Variants in PHLDB2 observed in about 807,000 individuals in gnomAD.
PHLDB2 encodes the protein pleckstrin homology like domain family B member 2.
A neutral mutation model predicts 123.6 loss-of-function variants in PHLDB2; 71 were observed. The ratio of observed to expected loss-of-function variants is 0.57; its 90% CI spans 0.47 to 0.70. PHLDB2 has a LOEUF of 0.70. Ranked by LOEUF, PHLDB2 falls within the 30% of genes least tolerant of loss-of-function variation. The probability of loss-of-function intolerance (pLI) is 0.00; values close to 1 mark genes in which losing one functional copy is unlikely to be tolerated. For missense variants in PHLDB2, 1,446 were observed against 1,519.5 expected (o/e 0.95, Z 0.80); for synonymous variants, 547 against 541.6 (o/e 1.01, Z -0.14).
chr3:111,760,958 G>A (rs758326620), intron 1 of PHLDB2, among the ~76,000 whole-genome samples: 8 of 151,946 alleles, frequency 5.3e-5, no homozygotes, highest in African/African-American at 2.4e-5. Flanking sequence ...AGGCCGAGGC[G>A]GGTGGATCAC....
In PHLDB2 at chr3:111,859,371, G is replaced by C; in HGVS notation, c.-220G>C. On this transcript the variant is annotated 5_prime_UTR_variant, in exon 1 of 18. Transcript: ENST00000431670. Reference sequence around the variant, plus strand: ...AGCCCCAACAGCAAACTGCCTGGGAGCGGGGCAGGTCACCAACTTCGTTGC... The same window carrying C: ...AGCCCCAACAGCAAACTGCCTGGGACCGGGGCAGGTCACCAACTTCGTTGC... The C allele has an allele frequency of 1.0e-6, 1 of 985,688 alleles. No individual in the cohort carries two copies. Among genetic ancestry groups the C allele is most frequent in the Non-Finnish European group, 1.2e-6 (1 of 830,118 alleles). The allele number at this position is 985,688 out of a possible 1,614,324, so 61.1% of individuals were successfully genotyped here. A position where few individuals can be genotyped will look rare whatever the true frequency, so the allele number is the denominator to read the frequency against.
intron 5 of PHLDB2, 112 bp downstream of exon 5, chr3:111,920,531 C>A: frequency 7.5e-7 from 1 of 1,326,274 alleles, no homozygotes; most frequent in Non-Finnish European, 1.0e-6. Context: ...GTGTCATGTT[C>A]CTGGAGGCAG....
At chr3:111,834,209 G>GTAATAGAATTATATATA (rs1559858188) in intron 1 of PHLDB2, among the ~76,000 whole-genome samples, 3,606 of 29,588 alleles carry the variant, frequency 0.12, 1,057 homozygotes, top group Non-Finnish European at 0.22. Context: ...AATTATATAT[G>GTAATAGAATTATATATA]TAATAGAATT....
chr3:111,831,446 A>AAGCCACAAG (rs1553736574), intron 1 of PHLDB2, among the ~76,000 whole-genome samples: 3 of 110,158 alleles, frequency 2.7e-5, no homozygotes, highest in African/African-American at 2.2e-4. Context: ...TAGGGACAGT[A>AAGCCACAAG]GGGGGGAGTT....
At position 111,870,537 on chromosome 3, in the gene PHLDB2, C is replaced by G. The variant is rs11929149; in HGVS notation, c.-15+10961C>G. Among the ~76,000 whole-genome samples, 1,442 of 152,152 alleles carry G rather than the reference C, an allele frequency of 9.5e-3. 29 individuals are homozygous for G. Among genetic ancestry groups the G allele is most frequent in the African/African-American group, 0.032 (1,348 of 41,500 alleles). ...GCTTCTAATAATTAGCTCCCTCTTC[C>G]ATGTGTTTTGATGTTGGGATTAGTG... On this transcript the variant is annotated intron_variant, in intron 1 of 17. Coordinates refer to ENST00000431670, the MANE Select transcript of PHLDB2 (RefSeq NM_001134438.2).
intron 1 of PHLDB2, among the ~76,000 whole-genome samples, chr3:111,861,082 T>C (rs2064813391): frequency 6.6e-6 from 1 of 152,226 alleles, no homozygotes; most frequent in Non-Finnish European, 1.5e-5. Flanking sequence ...GGTTAAACTT[T>C]TGCCCTGTGA....
chr3:111,813,685 C>T (rs1016434581), intron 1 of PHLDB2, among the ~76,000 whole-genome samples: 3 of 152,160 alleles, frequency 2.0e-5, no homozygotes, highest in African/African-American at 7.2e-5. Context: ...GGAAAAACTA[C>T]AAAGTATATT....
intron 8 of PHLDB2, among the ~76,000 whole-genome samples, chr3:111,944,281 A>AC (rs1336104930): frequency 2.6e-5 from 4 of 152,210 alleles, no homozygotes; most frequent in African/African-American, 9.6e-5. Flanking sequence ...GGGGTGACAG[A>AC]AATGCTCTTT....
chr3:111,779,502 T>TTTTCTG (rs1204499839), intron 1 of PHLDB2, among the ~76,000 whole-genome samples: 2 of 152,062 alleles, frequency 1.3e-5, no homozygotes, highest in African/African-American at 4.8e-5. Context: ...CTGTATTTAG[T>TTTTCTG]TTTCTGTTTC....
chr3:111,898,844 A>T (rs2067029307), intron 2 of PHLDB2, among the ~76,000 whole-genome samples: 2 of 152,190 alleles, frequency 1.3e-5, no homozygotes, highest in African/African-American at 4.8e-5. Flanking sequence ...ATTTAGTTAT[A>T]GTTCTTTTGC....
intron 2 of PHLDB2, among the ~76,000 whole-genome samples, chr3:111,850,161 G>T (rs112939632): frequency 0.044 from 6,760 of 152,038 alleles, 264 homozygotes; most frequent in African/African-American, 0.094. Context: ...GCGCCCAGCC[G>T]CTGGAGGCCA....
In PHLDB2 at chr3:111,932,388, A is replaced by G. The variant is rs1428450303; in HGVS notation, c.2121A>G (p.Gln707=). The change falls in exon 6 of 18, where the codon CAA becomes CAG. Residue 707 remains glutamine (Q), a synonymous_variant. Transcript: ENST00000431670. ...CCATGAGGGAACAGTTACAACAACA[A>G]CTGAAGAGGGTCAGTAGCAAACAGG... is the stretch of plus-strand genomic sequence containing the variant. The part of the protein sequence containing the change: ...PESMREQLQQ[Q]LKRDADLLDV... 1 of 1,550,200 alleles carries G rather than the reference A, an allele frequency of 6.5e-7. No homozygotes were observed. Among genetic ancestry groups the G allele is most frequent in the Non-Finnish European group, 8.7e-7 (1 of 1,146,256 alleles).
chr3:111,831,015 A>AAGAAAGAAAG (rs2062988401), intron 1 of PHLDB2, among the ~76,000 whole-genome samples: 2 of 128,694 alleles, frequency 1.6e-5, no homozygotes, highest in African/African-American at 5.8e-5. Context: ...GAAAGAAAGA[A>AAGAAAGAAAG]AGAAAGAAAG....
chr3:111,880,988 A>C (rs1047982501), intron 1 of PHLDB2, among the ~76,000 whole-genome samples: 5 of 152,130 alleles, frequency 3.3e-5, no homozygotes, highest in African/African-American at 1.2e-4. Context: ...TTTTGCTTTA[A>C]GTTGTCATGT....
intron 2 of PHLDB2, among the ~76,000 whole-genome samples, chr3:111,847,235 A>C (rs115809336): frequency 1.9e-3 from 286 of 152,348 alleles, no homozygotes; most frequent in African/African-American, 6.5e-3. Context: ...TGATGAGATT[A>C]GAGTTTCGGT....
intron 1 of PHLDB2, among the ~76,000 whole-genome samples, chr3:111,802,653 TGTGA>T (rs2061419711): frequency 6.6e-6 from 1 of 152,250 alleles, no homozygotes; most frequent in Admixed American, 6.5e-5. Flanking sequence ...AGCTTGTTCT[TGTGA>T]GTAATATGTG....
intron 4 of PHLDB2, among the ~76,000 whole-genome samples, chr3:111,919,578 T>C (rs1241154623): frequency 1.3e-5 from 2 of 152,204 alleles, no homozygotes; most frequent in Non-Finnish European, 2.9e-5. Context: ...TGAACGTGCT[T>C]TACTATGAGT....
At chr3:111,846,769 C>A (rs2064010104) in intron 2 of PHLDB2, among the ~76,000 whole-genome samples, 1 of 152,074 alleles carries the variant, frequency 6.6e-6, no homozygotes, top group South Asian at 2.1e-4. Flanking sequence ...AGATTTTAAG[C>A]AATTGTCTTA....
At chr3:111,776,754 C>T (rs999497706) in intron 1 of PHLDB2, among the ~76,000 whole-genome samples, 4 of 152,096 alleles carry the variant, frequency 2.6e-5, no homozygotes, top group Non-Finnish European at 2.9e-5. Context: ...AATTCAATAA[C>T]GTGTACTTCC....
Sources: gnomAD v4.1 joint callset for allele counts (sites outside exome capture counted in the v4.1 genomes callset) on GRCh38, gnomAD v4.1.1 for gene constraint, MANE v1.5 for transcripts, NCBI Gene and HGNC (gene_info 2026-07-23, HGNC 2026-07-21) for gene names.